Variants in ATF6 observed in about 807,000 individuals in gnomAD.
The protein encoded by ATF6 is cyclic AMP-dependent transcription factor ATF-6 alpha.
Under a neutral mutation model 83.6 loss-of-function variants are expected in ATF6, and 53 were observed. That is an observed-to-expected ratio of 0.63 (90% CI 0.51 to 0.80). The LOEUF is 0.80. Ranked by LOEUF, ATF6 falls within the 30% of genes least tolerant of loss-of-function variation. The pLI is 0.00. For missense variants in ATF6, 744 were observed against 797.9 expected (o/e 0.93, Z 0.81); for synonymous variants, 288 against 285.8 (o/e 1.01, Z -0.08).
At chr1:161,812,182 T>A (rs540016378) in intron 7 of ATF6, among the ~76,000 whole-genome samples, 6 of 152,032 alleles carry the variant, frequency 3.9e-5, no homozygotes, top group Non-Finnish European at 7.4e-5. Flanking sequence ...TTGAAATGAA[T>A]CAGGGCCCTG....
Position 161,807,863 on chromosome 1 carries a change from A to ATTTTTTTTTTTTTTTTTTTTTTTTTTT in ATF6, c.909+5592_909+5593insTTTTTTTTTTTTTTTTTTTTTTTTTTT, listed in dbSNP as rs1557971141. 7.3e-5 allele frequency among the ~76,000 whole-genome samples: 4 copies of ATTTTTTTTTTTTTTTTTTTTTTTTTTT among 54,788 alleles called. 1 individual carries two copies. Among genetic ancestry groups the ATTTTTTTTTTTTTTTTTTTTTTTTTTT allele is most frequent in the African/African-American group, 3.3e-4 (4 of 12,206 alleles). 35.9% of individuals were successfully genotyped at this position (54,788 alleles called of 152,430 possible). A position where few individuals can be genotyped will look rare whatever the true frequency, so the allele number is the denominator to read the frequency against. Reference sequence around the variant, plus strand: ...TACTTTTTGTACTTTTTAGTTTGTCATCTTTTTTTTTTTTTTTTTTTTTTT... The same window carrying ATTTTTTTTTTTTTTTTTTTTTTTTTTT: ...TACTTTTTGTACTTTTTAGTTTGTCATTTTTTTTTTTTTTTTTTTTTTTTTTTTCTTTTTTTTTTTTTTTTTTTTTTT... On this transcript the variant is annotated intron_variant, in intron 7 of 15. Coordinates refer to ENST00000367942, the MANE Select transcript of ATF6 (RefSeq NM_007348.4).
intron 15 of ATF6, among the ~76,000 whole-genome samples, chr1:161,945,411 G>A (rs1688729148): frequency 6.6e-6 from 1 of 152,168 alleles, no homozygotes; most frequent in African/African-American, 2.4e-5. Flanking sequence ...GTTAAAGGCA[G>A]TTCTATTAAT....
intron 4 of ATF6, among the ~76,000 whole-genome samples, chr1:161,787,220 G>A (rs1390257842): frequency 6.6e-6 from 1 of 152,120 alleles, no homozygotes; most frequent in Non-Finnish European, 1.5e-5. Flanking sequence ...TACATATTTT[G>A]TGAGAAAGAT....
intron 2 of ATF6, among the ~76,000 whole-genome samples, chr1:161,780,950 A>C (rs1486907741): frequency 6.6e-6 from 1 of 152,156 alleles, no homozygotes; most frequent in East Asian, 1.9e-4. Flanking sequence ...CCCTGGGCTC[A>C]AGCAATCCTA....
intron 14 of ATF6, among the ~76,000 whole-genome samples, chr1:161,870,351 A>T (rs1687097280): frequency 6.6e-6 from 1 of 151,836 alleles, no homozygotes; most frequent in South Asian, 2.1e-4. Context: ...GGAATAGAAT[A>T]AATAGGCCTT....
intron 14 of ATF6, among the ~76,000 whole-genome samples, chr1:161,910,694 A>G (rs1362565218): frequency 6.6e-6 from 1 of 152,226 alleles, no homozygotes; most frequent in Non-Finnish European, 1.5e-5. Context: ...ACCCTGAAGC[A>G]GTATTTTAAT....
chr1:161,922,613 A>G (rs1012980758), intron 15 of ATF6, among the ~76,000 whole-genome samples: 4 of 151,940 alleles, frequency 2.6e-5, no homozygotes, highest in Non-Finnish European at 5.9e-5. Context: ...TGATTGGGTA[A>G]TGAGGGGATA....
intron 15 of ATF6, among the ~76,000 whole-genome samples, chr1:161,957,962 G>A (rs1348379002): frequency 6.6e-6 from 1 of 152,220 alleles, no homozygotes; most frequent in East Asian, 1.9e-4. Context: ...CTGATGAATA[G>A]GAGCTAAGCG....
At chr1:161,794,073 A>G (rs1403715257) in intron 6 of ATF6, among the ~76,000 whole-genome samples, 2 of 151,776 alleles carry the variant, frequency 1.3e-5, no homozygotes, top group Non-Finnish European at 2.9e-5. Context: ...TGCCCAGCTA[A>G]TTTTTATATT....
intron 9 of ATF6, among the ~76,000 whole-genome samples, chr1:161,822,021 T>A (rs763017881): frequency 6.6e-6 from 1 of 152,162 alleles, no homozygotes; most frequent in Non-Finnish European, 1.5e-5. Context: ...ATTTCTACCT[T>A]GAGGGACCGA....
intron 14 of ATF6, among the ~76,000 whole-genome samples, chr1:161,881,514 A>C (rs1687327002): frequency 1.3e-5 from 2 of 152,146 alleles, no homozygotes; most frequent in South Asian, 4.1e-4. Context: ...ATTATGATTA[A>C]CAAAGGATAC....
rs181336635 is a variant in ATF6 at position 161,830,891 on chromosome 1, A to G, written c.1187+9730A>G. Among the ~76,000 whole-genome samples the G allele has an allele frequency of 4.1e-3, 619 of 152,382 alleles. 7 individuals are homozygous for G. The highest frequency in any genetic ancestry group is 0.014 in the African/African-American group (603 of 41,588). On this transcript the variant is annotated intron_variant, in intron 9 of 15. Coordinates refer to ENST00000367942, the MANE Select transcript of ATF6 (RefSeq NM_007348.4). Reference sequence around the variant, plus strand: ...ACCATTCAGGACATAGGCAAGGGCAACGACTTCATGTCTAAAACACCAAAA... The same window carrying G: ...ACCATTCAGGACATAGGCAAGGGCAGCGACTTCATGTCTAAAACACCAAAA...
intron 14 of ATF6, among the ~76,000 whole-genome samples, chr1:161,870,187 T>C (rs956377740): frequency 6.6e-6 from 1 of 151,716 alleles, no homozygotes; most frequent in East Asian, 1.9e-4. Context: ...ACTTCAAAAA[T>C]TGTTTGTTTG....
chr1:161,769,487 A>T (rs767494795), intron 1 of ATF6, among the ~76,000 whole-genome samples: 1 of 152,156 alleles, frequency 6.6e-6, no homozygotes, highest in Non-Finnish European at 1.5e-5. Flanking sequence ...GGCACCAGGG[A>T]CTGGTTTCAT....
chr1:161,922,911 G>A (rs545237849), intron 15 of ATF6, among the ~76,000 whole-genome samples: 1 of 152,192 alleles, frequency 6.6e-6, no homozygotes, highest in East Asian at 1.9e-4. Flanking sequence ...AGGTGCTGAG[G>A]AGTTTGAGGT....
intron 14 of ATF6, among the ~76,000 whole-genome samples, chr1:161,911,323 T>C (rs766532012): frequency 1.3e-5 from 2 of 152,240 alleles, no homozygotes; most frequent in African/African-American, 2.4e-5. Context: ...ATGTTTTTGC[T>C]AGGAAGAAGA....
intron 15 of ATF6, among the ~76,000 whole-genome samples, chr1:161,950,107 T>TA (rs2101917788): frequency 6.6e-6 from 1 of 152,356 alleles, no homozygotes; most frequent in South Asian, 2.1e-4. Context: ...ATATTCGTGG[T>TA]GTTGTGTGAC....
chr1:161,846,714 C>A lies in ATF6; in HGVS notation c.1319+134C>A, dbSNP rs538235151. 2.7e-4 allele frequency: 227 copies of A among 838,158 alleles called. 2 individuals are homozygous for A. The Middle Eastern group carries it at 0.016, about 60-fold the overall frequency. 51.9% of individuals were successfully genotyped at this position (838,158 alleles called of 1,614,324 possible). On this transcript the variant is annotated intron_variant, in intron 10 of 15. Transcript: ENST00000367942. ...TAGTAGAACACATAAATTACTGAAA[C>A]CATTAATACATTTTACTTTTAATAT...
chr1:161,818,766 G>A (rs1685677613), intron 7 of ATF6, among the ~76,000 whole-genome samples: 1 of 152,208 alleles, frequency 6.6e-6, no homozygotes, highest in South Asian at 2.1e-4. Flanking sequence ...TGTAGATTTA[G>A]GGCAGAAGGT....
Sources: gnomAD v4.1 joint callset for allele counts (sites outside exome capture counted in the v4.1 genomes callset) on GRCh38, gnomAD v4.1.1 for gene constraint, MANE v1.5 for transcripts, NCBI Gene and HGNC (gene_info 2026-07-23, HGNC 2026-07-21) for gene names.